Variants in PDE5A observed in about 807,000 individuals in gnomAD.
The protein encoded by PDE5A is cGMP-specific 3',5'-cyclic phosphodiesterase.
In PDE5A, 67 loss-of-function variants were observed where a neutral mutation model predicts 110.2. The observed-to-expected ratio is 0.61, with a 90% CI of 0.50 to 0.75. The LOEUF is 0.75. PDE5A is among the 30% of genes least tolerant of loss of function. The pLI, the probability that PDE5A is intolerant of heterozygous loss-of-function variation, is 0.00. For missense variants in PDE5A, 862 were observed against 1,045.1 expected (o/e 0.82, Z 2.42); for synonymous variants, 328 against 351.2 (o/e 0.93, Z 0.74).
intron 7 of PDE5A, among the ~76,000 whole-genome samples, chr4:119,555,390 A>G (rs975798208): frequency 1.3e-5 from 2 of 152,196 alleles, no homozygotes; most frequent in Admixed American, 6.5e-5. Flanking sequence ...TACTTCATAC[A>G]TATTATTTGA....
In PDE5A at chr4:119,623,491, T is replaced by A. The variant is rs555091572; in HGVS notation, c.152+5029A>T. ...AGCAATTATAGGTTTAACTTCTAAG[T>A]TAATTTGTATTTTCAAATCTAGAGG... On this transcript the variant is annotated intron_variant, in intron 1 of 20. Transcript: ENST00000354960. 6.6e-5 allele frequency among the ~76,000 whole-genome samples: 10 copies of A among 152,314 alleles called. No homozygotes were observed. The South Asian group carries it at 2.1e-3, about 32-fold the overall frequency.
chr4:119,507,248 C>CA (rs1195916938), intron 16 of PDE5A, among the ~76,000 whole-genome samples: 10 of 151,734 alleles, frequency 6.6e-5, no homozygotes, highest in Non-Finnish European at 1.3e-4. Context: ...ATAAAGGAGT[C>CA]ATGAAATGGT....
rs1337961461 is a variant in PDE5A at position 119,565,361 on chromosome 4, T to C, written c.953A>G (p.Gln318Arg). 1 of 1,612,542 alleles carries C rather than the reference T, an allele frequency of 6.2e-7. No individual in the cohort carries two copies. The change falls in exon 5 of 21, where the codon CAG (glutamine) becomes CGG (arginine). Residue 318 changes from glutamine to arginine, a missense_variant. Coordinates refer to ENST00000354960, the MANE Select transcript of PDE5A (RefSeq NM_001083.4). Reference protein sequence around the residue: ...AFCGIVLHNAQLYETSLLENK... With the variant: ...AFCGIVLHNARLYETSLLENK... ...CTCCAGCAGTGAAGTCTCATAGAGC[T>C]GAGCATTATGAAGAACAATACCACA...
At chr4:119,620,015 A>G (rs1239690609) in intron 1 of PDE5A, among the ~76,000 whole-genome samples, 1 of 152,180 alleles carries the variant, frequency 6.6e-6, no homozygotes, top group Non-Finnish European at 1.5e-5. Context: ...TTTCCATCAC[A>G]TGGATGGGGG....
intron 9 of PDE5A, chr4:119,543,350 A>T (rs1727015100): frequency 1.3e-5 from 2 of 152,120 alleles, no homozygotes; most frequent in South Asian, 2.1e-4. Context: ...GTGACCTCAC[A>T]GAGGTCACTT....
intron 3 of PDE5A, among the ~76,000 whole-genome samples, chr4:119,585,858 T>A (rs1268811561): frequency 6.6e-6 from 1 of 152,148 alleles, no homozygotes; most frequent in African/African-American, 2.4e-5. Context: ...CTCAAATTGC[T>A]CACTCTGGAG....
rs373027328 is a variant in PDE5A at position 119,568,414 on chromosome 4, T to C, written c.832-1270A>G. Among the ~76,000 whole-genome samples, 3 of 152,298 alleles carry C rather than the reference T, an allele frequency of 2.0e-5. No individual in the cohort carries two copies. In the East Asian group the frequency reaches 5.8e-4, roughly 29 times the overall value. ...CCACTTGAAGGTCATTGGGGTCTAA[T>C]ATAGAGTAGTATAATTTGGTTATTT... On this transcript the variant is annotated intron_variant, in intron 3 of 20. Transcript: ENST00000354960.
chr4:119,606,385 G>C (rs1021733798), intron 2 of PDE5A, among the ~76,000 whole-genome samples: 8 of 151,802 alleles, frequency 5.3e-5, no homozygotes, highest in African/African-American at 1.9e-4. Flanking sequence ...ACATAGATGG[G>C]GATATGTATA....
chr4:119,577,270 G>A (rs1314773664), intron 3 of PDE5A, among the ~76,000 whole-genome samples: 1 of 152,126 alleles, frequency 6.6e-6, no homozygotes, highest in Non-Finnish European at 1.5e-5. Flanking sequence ...AGGAGGAGCT[G>A]GTACCATTCC....
chr4:119,501,508 A>C (rs1024837536), intron 19 of PDE5A, among the ~76,000 whole-genome samples: 2 of 152,102 alleles, frequency 1.3e-5, no homozygotes, highest in African/African-American at 4.8e-5. Context: ...CATGTTGGCC[A>C]GGCTGGTCTA....
intron 3 of PDE5A, among the ~76,000 whole-genome samples, chr4:119,575,021 G>A (rs1166879542): frequency 3.9e-5 from 6 of 152,162 alleles, no homozygotes; most frequent in African/African-American, 7.2e-5. Context: ...ACCAAGGCAC[G>A]AGAACTACGT....
chr4:119,542,437 G>A (rs774131884), intron 10 of PDE5A, 22 bp downstream of exon 10: 3 of 1,609,778 alleles, frequency 1.9e-6, no homozygotes, highest in Non-Finnish European at 2.5e-6. Flanking sequence ...TACAGTGTGA[G>A]AGGTCCCTAA....
At chr4:119,581,177 C>A (rs886515363) in intron 3 of PDE5A, among the ~76,000 whole-genome samples, 3 of 151,842 alleles carry the variant, frequency 2.0e-5, no homozygotes, top group Non-Finnish European at 4.4e-5. Context: ...TGGGCACCTA[C>A]TACAAACATA....
At chr4:119,613,156 TTGTTTATGGCTACACTCTGTTACAA>T (rs1448615417) in intron 1 of PDE5A, among the ~76,000 whole-genome samples, 1 of 152,206 alleles carries the variant, frequency 6.6e-6, no homozygotes, top group Non-Finnish European at 1.5e-5. Flanking sequence ...CTGAAGATAA[TTGTTTATGGCTACACTCTGTTACAA>T]TTTATTTAAC....
intron 3 of PDE5A, among the ~76,000 whole-genome samples, chr4:119,595,078 G>A (rs1023587265): frequency 6.6e-6 from 1 of 152,042 alleles, no homozygotes; most frequent in East Asian, 1.9e-4. Context: ...AAAACCTTAG[G>A]CATTACTTCA....
chr4:119,568,871 T>A (rs1055858916), intron 3 of PDE5A, among the ~76,000 whole-genome samples: 1 of 152,126 alleles, frequency 6.6e-6, no homozygotes, highest in Non-Finnish European at 1.5e-5. Flanking sequence ...TGAAGCAATG[T>A]ACTAAGCAAG....
chr4:119,601,683 G>C (rs904088522), intron 2 of PDE5A, among the ~76,000 whole-genome samples: 1 of 152,156 alleles, frequency 6.6e-6, no homozygotes, highest in Non-Finnish European at 1.5e-5. Context: ...GTCTGAAGTC[G>C]GGGCAGGCTT....
rs571309868 is a variant in PDE5A at position 119,500,648 on chromosome 4, T to A, written c.2490+522A>T. On this transcript the variant is annotated intron_variant, in intron 20 of 20. Coordinates refer to ENST00000354960, the MANE Select transcript of PDE5A (RefSeq NM_001083.4). ...GCATTTGAGTCATAAACATCTAAACTAATAAGTTAGATGTTTTAGGGAGAA... is the reference window on the plus strand; with the variant it reads ...GCATTTGAGTCATAAACATCTAAACAAATAAGTTAGATGTTTTAGGGAGAA... Among the ~76,000 whole-genome samples the A allele has an allele frequency of 1.4e-4, 22 of 152,148 alleles. No individual in the cohort carries two copies. In the East Asian group the frequency reaches 4.3e-3, roughly 29 times the overall value.
chr4:119,615,333 C>T (rs758164484), intron 1 of PDE5A, among the ~76,000 whole-genome samples: 14 of 152,178 alleles, frequency 9.2e-5, no homozygotes, highest in Non-Finnish European at 1.3e-4. Context: ...ATCTCTTCAA[C>T]ATATCTAAGA....
Sources: allele counts gnomAD v4.1 joint callset (sites outside exome capture counted in the v4.1 genomes callset), GRCh38; gene constraint gnomAD v4.1.1; transcripts MANE v1.5; gene names NCBI Gene and HGNC (gene_info 2026-07-23, HGNC 2026-07-21).